The following MYH9 variants were observed in gnomAD, a reference collection of about 807,000 sequenced individuals.
The protein encoded by MYH9 is myosin-9.
MYH9 carries 29 observed loss-of-function variants against 241.9 expected under a neutral mutation model. The ratio of observed to expected loss-of-function variants is 0.12; its 90% CI spans 0.09 to 0.16. The LOEUF (loss-of-function observed/expected upper bound fraction) is 0.16, where lower values mean the gene tolerates loss of function less well. Among genes scored for constraint, MYH9 ranks in the 10% least tolerant of loss-of-function variants. The pLI is 1.00. For missense variants in MYH9, 1,803 were observed against 2,595.5 expected (o/e 0.69, Z 6.63); for synonymous variants, 1,047 against 1,062.6 (o/e 0.99, Z 0.29).
chr22:36,297,335 T>C, intron 24 of MYH9: 1 of 350,932 alleles, frequency 2.8e-6, no homozygotes, highest in Admixed American at 4.6e-5. Flanking sequence ...ACATGTTCAA[T>C]TGTGTGTGAA....
chr22:36,282,348 C>T lies in MYH9; in HGVS notation c.*320G>A. On this transcript the variant is annotated 3_prime_UTR_variant, in exon 41 of 41. Coordinates refer to ENST00000216181, the MANE Select transcript of MYH9 (RefSeq NM_002473.6). ...ACTCTGGCCCCTCCCCGGGGGCCTG[C>T]CCTGCTCGCCTCAACATCTTGTGCT... 1.9e-6 allele frequency: 1 copy of T among 530,222 alleles called. No homozygotes were observed. Among genetic ancestry groups the T allele is most frequent in the Non-Finnish European group, 3.4e-6 (1 of 292,410 alleles). The allele number at this position is 530,222 out of a possible 1,614,324, so 32.8% of individuals were successfully genotyped here.
intron 40 of MYH9, among the ~76,000 whole-genome samples, 139 bp downstream of exon 40, chr22:36,283,938 AAGCCTCAAAGGCAAGG>A (rs2016535039): frequency 1.3e-5 from 2 of 152,362 alleles, no homozygotes; most frequent in South Asian, 4.1e-4. Context: ...CACTAAGCTA[AAGCCTCAAAGGCAAGG>A]AGCCAGAAGG....
chr22:36,316,556 G>A lies in MYH9; in HGVS notation c.1341C>T (p.Phe447=). Residue 447 remains phenylalanine, a synonymous_variant, in exon 12 of 41, where the codon TTC becomes TTT. Transcript: ENST00000216181. The part of the protein sequence containing the change: ...LDKTKRQGAS[F]IGILDIAGFE... ...AGCCGGCAATGTCCAGGATCCCGAT[G>A]AAGGAGGCGCCCTGCCTCTTGGTCT... 1 of 1,614,156 alleles carries A rather than the reference G, an allele frequency of 6.2e-7. No homozygotes were observed. The highest frequency in any genetic ancestry group is 8.5e-7 in the Non-Finnish European group (1 of 1,180,024).
At chr22:36,286,136 A>C in intron 35 of MYH9, 183 bp from the exon 36 acceptor site, 1 of 645,630 alleles carries the variant, frequency 1.5e-6, no homozygotes, top group Non-Finnish European at 2.7e-6. Flanking sequence ...TAAACACCAT[A>C]TGTTTATAAA....
rs1436036285 is a variant in MYH9, at chr22:36,306,802, G to T, written c.1844-195C>A. Among the ~76,000 whole-genome samples the T allele has an allele frequency of 6.6e-6, 1 of 152,244 alleles. No individual in the cohort carries two copies. Among genetic ancestry groups the T allele is most frequent in the Non-Finnish European group, 1.5e-5 (1 of 68,046 alleles). On this transcript the variant is annotated intron_variant, in intron 15 of 40. Coordinates refer to ENST00000216181, the MANE Select transcript of MYH9 (RefSeq NM_002473.6). This position sits in a 1 kb window ranked among gnomAD's most constrained non-coding sequence, Gnocchi z 4.1. ...AACACAGCGGGAAGCCAAGGGGGAT[G>T]CAAAGGCACTGGGCTTGTCTCTTGG...
At chr22:36,382,198 G>C (rs1215893458) in intron 1 of MYH9, among the ~76,000 whole-genome samples, 1 of 152,318 alleles carries the variant, frequency 6.6e-6, no homozygotes, top group Admixed American at 6.5e-5. Flanking sequence ...GTGCTGGCCA[G>C]GTGCGGTGGC....
intron 7 of MYH9, 125 bp from the exon 8 acceptor site, chr22:36,321,021 C>G (rs1480128554): frequency 2.9e-6 from 2 of 701,042 alleles, no homozygotes; most frequent in East Asian, 3.1e-5. Flanking sequence ...GGCATGATCT[C>G]GGCTCACTGC....
Position 36,281,565 on chromosome 22 carries a change from G to A in MYH9, c.*1103C>T, listed in dbSNP as rs532504163. 1 of 229,304 alleles carries A rather than the reference G, an allele frequency of 4.4e-6. No individual in the cohort carries two copies. The highest frequency in any genetic ancestry group is 8.7e-6 in the Non-Finnish European group (1 of 115,468). The allele number at this position is 229,304 out of a possible 1,614,324, so 14.2% of individuals were successfully genotyped here. ...CAATGCAGCATATACAAAACAGTTA[G>A]GAATACAAGTAAATTCGGCAACCAG... On this transcript the variant is annotated 3_prime_UTR_variant, in exon 41 of 41. Coordinates refer to ENST00000216181, the MANE Select transcript of MYH9 (RefSeq NM_002473.6).
intron 1 of MYH9, among the ~76,000 whole-genome samples, chr22:36,380,797 G>T (rs537502138): frequency 6.6e-6 from 1 of 152,194 alleles, no homozygotes; most frequent in Admixed American, 6.5e-5. Flanking sequence ...TGAGGGCCTG[G>T]GTTGGGCTTC....
chr22:36,342,906 G>A (rs2017612791), intron 2 of MYH9, among the ~76,000 whole-genome samples: 1 of 152,198 alleles, frequency 6.6e-6, no homozygotes, highest in Admixed American at 6.5e-5. Flanking sequence ...CAACCTCCTT[G>A]GTCACGGAGG....
intron 3 of MYH9, among the ~76,000 whole-genome samples, chr22:36,328,663 A>G (rs1336745007): frequency 6.6e-6 from 1 of 152,260 alleles, no homozygotes; most frequent in Non-Finnish European, 1.5e-5. Flanking sequence ...GTTGCTGTCT[A>G]TACCGACTTC....
chr22:36,340,520 G>GC (rs1569536461), intron 3 of MYH9, among the ~76,000 whole-genome samples: 3 of 151,208 alleles, frequency 2.0e-5, no homozygotes, highest in Non-Finnish European at 4.4e-5. Flanking sequence ...AATTAGCCGT[G>GC]CATGGTGGCA....
At chr22:36,334,148 G>A (rs1226046008) in intron 3 of MYH9, among the ~76,000 whole-genome samples, 2 of 152,126 alleles carry the variant, frequency 1.3e-5, no homozygotes, top group East Asian at 1.9e-4. Context: ...GTTAACTGCA[G>A]ATTCCTCTTC....
chr22:36,286,514 TCA>T (rs150654867), intron 35 of MYH9, among the ~76,000 whole-genome samples: 2 of 151,982 alleles, frequency 1.3e-5, no homozygotes, highest in African/African-American at 2.4e-5. Flanking sequence ...GATGCCAGTT[TCA>T]CACACACACA....
chr22:36,341,328 G>A, intron 3 of MYH9, 42 bp downstream of exon 3: 1 of 1,611,516 alleles, frequency 6.2e-7, no homozygotes, highest in South Asian at 1.1e-5. Context: ...GAGGCCCCAG[G>A]TGAAGATTCA....
Position 36,364,760 on chromosome 22 carries a change from A to C in MYH9, c.-19-15505T>G, listed in dbSNP as rs1380188796. The C allele has an allele frequency of 3.9e-5, 6 of 152,212 alleles. No individual in the cohort carries two copies. The East Asian group carries it at 1.2e-3, about 29-fold the overall frequency. 9.4% of individuals were successfully genotyped at this position (152,212 alleles called of 1,614,324 possible). ...GCTTCAAAAGGAGAGGGACCTGCTC[A>C]TGGTGATTTTTCACTTACAGCCTTC... On this transcript the variant is annotated intron_variant, in intron 1 of 40. Transcript: ENST00000216181.
chr22:36,288,598 A>G lies in MYH9; in HGVS notation c.4770+129T>C. 7.5e-7 allele frequency: 1 copy of G among 1,337,738 alleles called. No homozygotes were observed. Among genetic ancestry groups the G allele is most frequent in the East Asian group, 2.3e-5 (1 of 43,514 alleles). 82.9% of individuals were successfully genotyped at this position (1,337,738 alleles called of 1,614,324 possible). ...TGAACCCCGAGACAGGAGGCTAGAAAGAAGGAATATGGGAGGGGAGGCGTG... is the reference window on the plus strand; with the variant it reads ...TGAACCCCGAGACAGGAGGCTAGAAGGAAGGAATATGGGAGGGGAGGCGTG... On this transcript the variant is annotated intron_variant, in intron 33 of 40. Coordinates refer to ENST00000216181, the MANE Select transcript of MYH9 (RefSeq NM_002473.6). The surrounding 1 kb of genome is among the most constrained non-coding windows in gnomAD (Gnocchi z 4.8).
intron 3 of MYH9, among the ~76,000 whole-genome samples, chr22:36,334,605 T>C (rs1396608822): frequency 6.6e-6 from 1 of 152,104 alleles, no homozygotes. Flanking sequence ...TTTGGGGAGA[T>C]TCAAATGGCT....
rs2016487200 is a variant in MYH9, at chr22:36,281,483, C to G, written c.*1185G>C. On this transcript the variant is annotated 3_prime_UTR_variant, in exon 41 of 41. Coordinates refer to ENST00000216181, the MANE Select transcript of MYH9 (RefSeq NM_002473.6). ...GGCATATGCAGCTTTTATATCACTTCATGATTTGAGAGTTTGTTTCCTTTA... is the reference window on the plus strand; with the variant it reads ...GGCATATGCAGCTTTTATATCACTTGATGATTTGAGAGTTTGTTTCCTTTA... 4.4e-6 allele frequency: 1 copy of G among 227,284 alleles called. No individual in the cohort carries two copies. Among genetic ancestry groups the G allele is most frequent in the Non-Finnish European group, 8.7e-6 (1 of 114,480 alleles). The allele number at this position is 227,284 out of a possible 1,614,324, so 14.1% of individuals were successfully genotyped here.
Sources: allele counts gnomAD v4.1 joint callset (sites outside exome capture counted in the v4.1 genomes callset), GRCh38; gene constraint gnomAD v4.1.1; non-coding constraint Gnocchi (gnomAD v3.1); transcripts MANE v1.5; gene names NCBI Gene and HGNC (gene_info 2026-07-23, HGNC 2026-07-21).